SLC20A2: variants seen among roughly 807,000 people sequenced by gnomAD.
SLC20A2 encodes solute carrier family 20 member 2.
Under a neutral mutation model 61.0 loss-of-function variants are expected in SLC20A2, and 30 were observed. That is an observed-to-expected ratio of 0.49 (90% CI 0.37 to 0.67). SLC20A2 has a LOEUF of 0.67. Among genes scored for constraint, SLC20A2 ranks in the 30% least tolerant of loss-of-function variants. The pLI, the probability that SLC20A2 is intolerant of heterozygous loss-of-function variation, is 0.00. For synonymous variants in SLC20A2, 351 were observed against 353.3 expected (o/e 0.99, Z 0.07); for missense variants, 626 against 866.4 (o/e 0.72, Z 3.48).
chr8:42,507,827 T>C (rs548314105), intron 1 of SLC20A2, among the ~76,000 whole-genome samples: 2 of 152,230 alleles, frequency 1.3e-5, no homozygotes, highest in South Asian at 4.1e-4. Context: ...TTCATTCCAA[T>C]AGGAACATAA....
chr8:42,423,333 CTTT>C (rs58667229), intron 10 of SLC20A2, among the ~76,000 whole-genome samples: 1 of 146,100 alleles, frequency 6.8e-6, no homozygotes, highest in African/African-American at 2.5e-5. Flanking sequence ...TATCTTTAAA[CTTT>C]TTTTTTTTTT....
chr8:42,438,060 A>AC (rs1338695624), intron 7 of SLC20A2, among the ~76,000 whole-genome samples: 1 of 130,764 alleles, frequency 7.6e-6, no homozygotes, highest in African/African-American at 3.2e-5. Context: ...TAAAAAAAAA[A>AC]ACCAAAAAAA....
chr8:42,495,688 T>C (rs1338008495), intron 1 of SLC20A2, among the ~76,000 whole-genome samples: 1 of 152,142 alleles, frequency 6.6e-6, no homozygotes, highest in Non-Finnish European at 1.5e-5. Flanking sequence ...AAGCAATTTT[T>C]AGTACTCTGC....
chr8:42,438,073 A>AAAAAAAAAAAAAAAAAAAAAG (rs1804468464), intron 7 of SLC20A2, among the ~76,000 whole-genome samples: 1 of 149,064 alleles, frequency 6.7e-6, no homozygotes, highest in Admixed American at 6.7e-5. Flanking sequence ...CAAAAAAAAA[A>AAAAAAAAAAAAAAAAAAAAAG]AAAAAAAAAA....
chr8:42,494,906 G>A lies in SLC20A2; in HGVS notation c.-265+6125C>T, dbSNP rs187196881. ...CTGTCACCCAGGCTGGAGTGCAACG[G>A]TGCGATCTCGGCTCCCTGCAACCTC... On this transcript the variant is annotated intron_variant, in intron 1 of 10. Transcript: ENST00000520262. 8.2e-3 allele frequency among the ~76,000 whole-genome samples: 1,244 copies of A among 152,168 alleles called. 18 individuals carry two copies. The highest frequency in any genetic ancestry group is 0.029 in the African/African-American group (1,184 of 41,494).
intron 1 of SLC20A2, among the ~76,000 whole-genome samples, chr8:42,520,419 T>TCCTGGGCCCAGGCGA (rs1178876049): frequency 8.0e-6 from 1 of 124,752 alleles, no homozygotes; most frequent in South Asian, 2.8e-4. Flanking sequence ...TACAAAGAAT[T>TCCTGGGCCCAGGCGA]GATATTTTAA....
chr8:42,493,434 T>A (rs1809677659), intron 1 of SLC20A2, among the ~76,000 whole-genome samples: 1 of 152,176 alleles, frequency 6.6e-6, no homozygotes, highest in African/African-American at 2.4e-5. Context: ...CTTTCCATCA[T>A]CCCTCATCAC....
intron 1 of SLC20A2, among the ~76,000 whole-genome samples, chr8:42,533,654 C>CTTTTTCTCTTT (rs1812496566): frequency 1.8e-5 from 1 of 55,310 alleles, no homozygotes; most frequent in African/African-American, 8.1e-5. Flanking sequence ...ATCAACTGTT[C>CTTTTTCTCTTT]TTTTTTTTTT....
intron 1 of SLC20A2, among the ~76,000 whole-genome samples, chr8:42,527,763 C>T (rs775405363): frequency 1.3e-5 from 2 of 150,522 alleles, no homozygotes; most frequent in Non-Finnish European, 1.5e-5. Flanking sequence ...AGCGAAACTC[C>T]GTCTCAAAAA....
chr8:42,530,484 A>C (rs1239240811), intron 1 of SLC20A2, among the ~76,000 whole-genome samples: 2 of 152,194 alleles, frequency 1.3e-5, no homozygotes, highest in Admixed American at 1.3e-4. Flanking sequence ...AAATCTTCCC[A>C]AAAGTAGTCA....
At chr8:42,504,596 C>T (rs773144317), upstream of SLC20A2, among the ~76,000 whole-genome samples, 11 of 151,908 alleles carry the variant, frequency 7.2e-5, no homozygotes, top group African/African-American at 1.2e-4. Flanking sequence ...GTAATCCCAG[C>T]ACTGTGGGAG....
intron 1 of SLC20A2, among the ~76,000 whole-genome samples, chr8:42,494,397 A>G (rs562286631): frequency 7.5e-4 from 114 of 152,256 alleles, no homozygotes; most frequent in African/African-American, 2.7e-3. Flanking sequence ...CTATTATTAC[A>G]TAAGTAATCT....
intron 2 of SLC20A2, among the ~76,000 whole-genome samples, chr8:42,470,444 C>G (rs937468353): frequency 8.6e-5 from 13 of 151,678 alleles, no homozygotes; most frequent in Non-Finnish European, 1.9e-4. Flanking sequence ...GTCTCAAACT[C>G]CTGGGATCAA....
At chr8:42,527,381 G>A (rs1303092725) in intron 1 of SLC20A2, among the ~76,000 whole-genome samples, 11 of 147,092 alleles carry the variant, frequency 7.5e-5, no homozygotes, top group Non-Finnish European at 1.2e-4. Flanking sequence ...CAAAATTAAG[G>A]AAAAAAAAAA....
chr8:42,461,459 T>TC (rs1345629563), intron 4 of SLC20A2, among the ~76,000 whole-genome samples: 1 of 151,734 alleles, frequency 6.6e-6, no homozygotes, highest in Non-Finnish European at 1.5e-5. Flanking sequence ...AATATCTTTT[T>TC]TTTTTTTTTT....
chr8:42,533,548 G>A (rs1296944065), intron 1 of SLC20A2, among the ~76,000 whole-genome samples: 1 of 151,878 alleles, frequency 6.6e-6, no homozygotes, highest in Non-Finnish European at 1.5e-5. Flanking sequence ...CCCAGGAGGT[G>A]GAGGTTACAG....
intron 9 of SLC20A2, among the ~76,000 whole-genome samples, chr8:42,429,751 A>G (rs994642018): frequency 1.7e-4 from 26 of 152,108 alleles, no homozygotes; most frequent in African/African-American, 6.0e-4. Flanking sequence ...CTCCCTGCCC[A>G]CCTGCCTTTG....
intron 8 of SLC20A2, among the ~76,000 whole-genome samples, chr8:42,431,681 A>C (rs1000849712): frequency 7.9e-5 from 12 of 152,338 alleles, no homozygotes; most frequent in South Asian, 6.2e-4. Flanking sequence ...GCTTCAAAGG[A>C]CAGGCTGACT....
intron 5 of SLC20A2, among the ~76,000 whole-genome samples, chr8:42,451,589 G>C (rs1409319923): frequency 7.3e-6 from 1 of 136,750 alleles, no homozygotes; most frequent in African/African-American, 2.8e-5. Context: ...GGAAGAGGAA[G>C]AGATGGAGGA....
Sources: allele counts gnomAD v4.1 joint callset (sites outside exome capture counted in the v4.1 genomes callset), GRCh38; gene constraint gnomAD v4.1.1; transcripts MANE v1.5; gene names NCBI Gene and HGNC (gene_info 2026-07-23, HGNC 2026-07-21).